GPATCH2L: variants seen among roughly 807,000 people sequenced by gnomAD.
The protein encoded by GPATCH2L is G-patch domain containing 2 like, also known as G patch domain-containing protein 2-like.
In GPATCH2L, 31 loss-of-function variants were observed where a neutral mutation model predicts 57.4. The observed-to-expected ratio is 0.54, with a 90% CI of 0.41 to 0.73. The LOEUF (loss-of-function observed/expected upper bound fraction) is 0.73, where lower values mean the gene tolerates loss of function less well. GPATCH2L is among the 30% of genes least tolerant of loss of function. GPATCH2L has a pLI of 0.00. For synonymous variants in GPATCH2L, 199 were observed against 210.7 expected, an observed-to-expected ratio of 0.94 and a Z score of 0.48; for missense variants, 481 against 599.9, an observed-to-expected ratio of 0.80 and a Z score of 2.07.
intron 8 of GPATCH2L, among the ~76,000 whole-genome samples, chr14:76,192,591 C>T (rs920331032): frequency 2.0e-5 from 3 of 152,090 alleles, no homozygotes; most frequent in African/African-American, 7.2e-5. Context: ...AAAAGCTGTG[C>T]AGCTGCAGAT....
At chr14:76,164,163 C>G (rs2038723827) in intron 2 of GPATCH2L, among the ~76,000 whole-genome samples, 1 of 152,200 alleles carries the variant, frequency 6.6e-6, no homozygotes, top group African/African-American at 2.4e-5. Flanking sequence ...CTGCATCCAG[C>G]TAACGTGCAC....
rs1289650913 is a variant in GPATCH2L at position 76,208,633 on chromosome 14, C to G, written c.*6782C>G. On this transcript the variant is annotated 3_prime_UTR_variant, in exon 10 of 10. Coordinates refer to ENST00000261530, the MANE Select transcript of GPATCH2L (RefSeq NM_017926.4). Reference sequence around the variant, plus strand: ...TCCTGCCCAAGACGAACCCCTTTTCCTGTGCCCTAGGACCTCTCCCTTGAT... The same window carrying G: ...TCCTGCCCAAGACGAACCCCTTTTCGTGTGCCCTAGGACCTCTCCCTTGAT... The G allele has an allele frequency of 1.3e-5, 2 of 152,832 alleles. No homozygotes were observed. Among genetic ancestry groups the G allele is most frequent in the Non-Finnish European group, 2.9e-5 (2 of 68,338 alleles). The allele number at this position is 152,832 out of a possible 1,614,324, so 9.5% of individuals were successfully genotyped here.
rs1173221827 is a variant in GPATCH2L at position 76,202,447 on chromosome 14, G to A, written c.*596G>A. On this transcript the variant is annotated 3_prime_UTR_variant, in exon 10 of 10. Coordinates refer to ENST00000261530, the MANE Select transcript of GPATCH2L (RefSeq NM_017926.4). Reference sequence around the variant, plus strand: ...TCCATTTTTTTGCAGATTGTCTGCAGAAACTCAGACAGCTCATCAGCAGCA... The same window carrying A: ...TCCATTTTTTTGCAGATTGTCTGCAAAAACTCAGACAGCTCATCAGCAGCA... 1 of 152,604 alleles carries A rather than the reference G, an allele frequency of 6.6e-6. No homozygotes were observed. Among genetic ancestry groups the A allele is most frequent in the Non-Finnish European group, 1.5e-5 (1 of 68,100 alleles). The allele number at this position is 152,604 out of a possible 1,614,324, so 9.5% of individuals were successfully genotyped here.
At chr14:76,219,008 A>AC (rs1360713096), downstream of GPATCH2L, among the ~76,000 whole-genome samples, 564 of 144,868 alleles carry the variant, frequency 3.9e-3, 2 homozygotes, top group African/African-American at 0.014. Context: ...AAAAGTACAA[A>AC]AAAAAAAAAA....
chr14:76,195,789 T>G, intron 8 of GPATCH2L, 89 bp from the exon 9 acceptor site: 1 of 952,932 alleles, frequency 1.0e-6, no homozygotes, highest in Admixed American at 1.8e-5. Flanking sequence ...ATGTCTGTAA[T>G]AGGTTAAGGA....
At chr14:76,189,382 C>T (rs545578967) in intron 8 of GPATCH2L, among the ~76,000 whole-genome samples, 36 of 151,686 alleles carry the variant, frequency 2.4e-4, no homozygotes, top group African/African-American at 7.7e-4. Context: ...CAATTTCTTT[C>T]ATCCATGTTT....
At chr14:76,196,824 G>A (rs949377686) in intron 9 of GPATCH2L, among the ~76,000 whole-genome samples, 1 of 152,076 alleles carries the variant, frequency 6.6e-6, no homozygotes, top group Admixed American at 6.6e-5. Context: ...CACACAGATG[G>A]GGAGGGAGCC....
chr14:76,155,529 A>C (rs1260454223), intron 2 of GPATCH2L, among the ~76,000 whole-genome samples: 1 of 152,122 alleles, frequency 6.6e-6, no homozygotes, highest in Non-Finnish European at 1.5e-5. Flanking sequence ...ATTATATTGA[A>C]TTTATTTTTT....
chr14:76,224,436 G>A (rs141196342), intron 1 of GPATCH2L, among the ~76,000 whole-genome samples: 227 of 152,072 alleles, frequency 1.5e-3, no homozygotes, highest in Admixed American at 2.4e-3. Flanking sequence ...CATTAGCATC[G>A]TAAGGCAGAA....
intron 1 of GPATCH2L, among the ~76,000 whole-genome samples, chr14:76,223,825 C>T (rs1011111671): frequency 5.3e-5 from 8 of 152,150 alleles, no homozygotes; most frequent in African/African-American, 1.7e-4. Context: ...AACAAGCACA[C>T]GAAAAGATGC....
chr14:76,184,803 C>T lies in GPATCH2L; in HGVS notation c.1193+3954C>T, dbSNP rs537817883. ...TAAGAAAATATATCCGTGCTGGGCC[C>T]CACTTCCAGAGATTCTGATTTAATT... is the stretch of plus-strand genomic sequence containing the variant. On this transcript the variant is annotated intron_variant, in intron 8 of 9. Coordinates refer to ENST00000261530, the MANE Select transcript of GPATCH2L (RefSeq NM_017926.4). Among the ~76,000 whole-genome samples the T allele has an allele frequency of 5.9e-5, 9 of 152,202 alleles. No individual in the cohort carries two copies. The South Asian group carries it at 1.9e-3, about 32-fold the overall frequency.
At chr14:76,199,123 G>C (rs924396975) in intron 9 of GPATCH2L, among the ~76,000 whole-genome samples, 5 of 152,110 alleles carry the variant, frequency 3.3e-5, no homozygotes, top group Admixed American at 6.6e-5. Context: ...ATAAAATACA[G>C]CAAATATCCA....
chr14:76,177,830 C>A, intron 6 of GPATCH2L, 158 bp from the exon 7 acceptor site: 1 of 988,060 alleles, frequency 1.0e-6, no homozygotes, highest in Non-Finnish European at 1.6e-6. Flanking sequence ...CTTCTCCCTT[C>A]TGTAATTTTC....
chr14:76,168,151 G>C (rs2038928077), intron 3 of GPATCH2L, among the ~76,000 whole-genome samples: 1 of 152,194 alleles, frequency 6.6e-6, no homozygotes, highest in African/African-American at 2.4e-5. Context: ...TTGCTTCTCT[G>C]CCTTTGTTTA....
At chr14:76,171,088 G>C (rs1326609121) in intron 3 of GPATCH2L, among the ~76,000 whole-genome samples, 1 of 152,148 alleles carries the variant, frequency 6.6e-6, no homozygotes, top group Non-Finnish European at 1.5e-5. Flanking sequence ...TGTGAAACCA[G>C]GTTGGTGTTC....
chr14:76,159,040 ACT>A (rs1302117825), intron 2 of GPATCH2L, among the ~76,000 whole-genome samples: 1 of 152,162 alleles, frequency 6.6e-6, no homozygotes, highest in East Asian at 1.9e-4. Context: ...AAAAATTAGG[ACT>A]CTGTAAAAAT....
chr14:76,178,445 G>A (rs1186169827), intron 7 of GPATCH2L: 1 of 290,296 alleles, frequency 3.4e-6, no homozygotes, highest in East Asian at 9.4e-5. Context: ...GGCGTGGTGA[G>A]GGGGGTGGTT....
chr14:76,167,010 A>G (rs2038873646), intron 3 of GPATCH2L, among the ~76,000 whole-genome samples: 3 of 152,128 alleles, frequency 2.0e-5, no homozygotes, highest in African/African-American at 7.2e-5. Context: ...CTAGGTGGTC[A>G]GAGTGTTGAG....
At chr14:76,182,421 A>G (rs1467452012) in intron 8 of GPATCH2L, among the ~76,000 whole-genome samples, 1 of 134,186 alleles carries the variant, frequency 7.5e-6, no homozygotes, top group African/African-American at 2.7e-5. Flanking sequence ...TTTCTACAAA[A>G]TTTTTTTTTT....
Sources: allele counts gnomAD v4.1 joint callset (sites outside exome capture counted in the v4.1 genomes callset), GRCh38; gene constraint gnomAD v4.1.1; transcripts MANE v1.5; gene names NCBI Gene and HGNC (gene_info 2026-07-23, HGNC 2026-07-21).